ELMO1: variants seen among roughly 807,000 people sequenced by gnomAD.
The protein encoded by ELMO1 is engulfment and cell motility 1, also known as engulfment and cell motility protein 1.
In ELMO1, 26 loss-of-function variants were observed where a neutral mutation model predicts 98.9. The observed-to-expected ratio is 0.26, with a 90% CI of 0.19 to 0.36. The LOEUF (loss-of-function observed/expected upper bound fraction) is 0.36, where lower values mean the gene tolerates loss of function less well. Ranked by LOEUF, ELMO1 falls within the 10% of genes least tolerant of loss-of-function variation. The probability of loss-of-function intolerance (pLI) is 1.00; values close to 1 mark genes in which losing one functional copy is unlikely to be tolerated. For synonymous variants in ELMO1, 346 were observed against 346.0 expected, an observed-to-expected ratio of 1.00 and a Z score of 0.00; for missense variants, 627 against 935.2, an observed-to-expected ratio of 0.67 and a Z score of 4.30.
At chr7:36,908,205 A>C (rs563107058) in intron 16 of ELMO1, among the ~76,000 whole-genome samples, 77 of 152,368 alleles carry the variant, frequency 5.1e-4, no homozygotes, top group African/African-American at 1.8e-3. Context: ...GAACAGTGCC[A>C]AGCACTCAGC....
chr7:37,051,875 A>C (rs557700912), intron 15 of ELMO1, among the ~76,000 whole-genome samples: 1 of 152,266 alleles, frequency 6.6e-6, no homozygotes, highest in Non-Finnish European at 1.5e-5. Flanking sequence ...CCTTCTCTCT[A>C]GGACAATTAG....
At chr7:37,338,674 C>T (rs1049029666) in intron 2 of ELMO1, among the ~76,000 whole-genome samples, 2 of 152,148 alleles carry the variant, frequency 1.3e-5, no homozygotes, top group Non-Finnish European at 2.9e-5. Context: ...ATACATTATT[C>T]AGGACATAAT....
intron 16 of ELMO1, among the ~76,000 whole-genome samples, chr7:36,898,924 T>C (rs1806265505): frequency 6.6e-6 from 1 of 152,128 alleles, no homozygotes; most frequent in Non-Finnish European, 1.5e-5. Context: ...GTTCACTCCA[T>C]GAACACTCAT....
At chr7:37,066,173 T>A (rs569965150) in intron 15 of ELMO1, among the ~76,000 whole-genome samples, 1 of 152,286 alleles carries the variant, frequency 6.6e-6, no homozygotes, top group Admixed American at 6.5e-5. Flanking sequence ...TTACCCAGTC[T>A]CGGGCATGTC....
chr7:36,860,652 G>T (rs1463038067), intron 21 of ELMO1, among the ~76,000 whole-genome samples: 1 of 152,104 alleles, frequency 6.6e-6, no homozygotes, highest in Admixed American at 6.5e-5. Context: ...TCTTGAATAT[G>T]GTGGCCTGTG....
intron 13 of ELMO1, among the ~76,000 whole-genome samples, chr7:37,136,696 A>C (rs1483608604): frequency 6.6e-6 from 1 of 152,008 alleles, no homozygotes; most frequent in Non-Finnish European, 1.5e-5. Flanking sequence ...CCACTACCAA[A>C]CCAGCACTAC....
chr7:37,358,712 T>C (rs549689347), intron 1 of ELMO1, among the ~76,000 whole-genome samples: 1 of 151,962 alleles, frequency 6.6e-6, no homozygotes, highest in East Asian at 1.9e-4. Context: ...AGAGGAAATA[T>C]GGGGAAAAAA....
Position 36,929,075 on chromosome 7 carries a change from G to A in ELMO1, c.1438-34058C>T, listed in dbSNP as rs142591910. 1.5e-3 allele frequency among the ~76,000 whole-genome samples: 236 copies of A among 152,292 alleles called. 3 individuals are homozygous for A. The South Asian group carries it at 0.028, about 18-fold the overall frequency. On this transcript the variant is annotated intron_variant, in intron 16 of 21. Transcript: ENST00000310758. ...TTGAGAGAGGTTAAGAGTTTTACTC[G>A]GGGCACCTGGCTAGCAAGTAGCAGA...
chr7:36,960,543 G>A (rs146816441), intron 16 of ELMO1, among the ~76,000 whole-genome samples: 32 of 152,064 alleles, frequency 2.1e-4, no homozygotes, highest in African/African-American at 7.2e-4. Flanking sequence ...CAGCTCAAGG[G>A]TTACCTCCTT....
At chr7:37,059,114 A>G (rs1796539612) in intron 15 of ELMO1, among the ~76,000 whole-genome samples, 2 of 152,156 alleles carry the variant, frequency 1.3e-5, no homozygotes, top group Non-Finnish European at 2.9e-5. Flanking sequence ...TCAGTGAACT[A>G]CCCTGAGATG....
At chr7:36,952,240 G>A (rs1302375431) in intron 16 of ELMO1, among the ~76,000 whole-genome samples, 1 of 152,182 alleles carries the variant, frequency 6.6e-6, no homozygotes. Context: ...GATTTGAAAG[G>A]AATCAGTCAA....
At chr7:37,436,728 T>C (rs1314054338) in intron 1 of ELMO1, among the ~76,000 whole-genome samples, 1 of 152,108 alleles carries the variant, frequency 6.6e-6, no homozygotes, top group Non-Finnish European at 1.5e-5. Context: ...ACCGGCCACA[T>C]CCAGAGAGAG....
chr7:37,135,530 C>G (rs1787211952), intron 13 of ELMO1, among the ~76,000 whole-genome samples: 1 of 152,178 alleles, frequency 6.6e-6, no homozygotes, highest in Non-Finnish European at 1.5e-5. Context: ...GCTGCAAGAC[C>G]TGAAGACCGA....
At chr7:37,234,639 C>T (rs958210406) in intron 7 of ELMO1, among the ~76,000 whole-genome samples, 33 of 152,088 alleles carry the variant, frequency 2.2e-4, no homozygotes, top group Admixed American at 2.0e-3. Context: ...AAGTTATGCA[C>T]CATCCTATGC....
At chr7:37,196,338 G>C (rs550514959) in intron 13 of ELMO1, among the ~76,000 whole-genome samples, 1 of 152,206 alleles carries the variant, frequency 6.6e-6, no homozygotes, top group Admixed American at 6.5e-5. Context: ...GAGCATTTGC[G>C]AAGGATTTAT....
chr7:37,133,087 G>A (rs1279160127), intron 14 of ELMO1, 43 bp downstream of exon 14: 1 of 1,479,516 alleles, frequency 6.8e-7, no homozygotes. Context: ...AATTAACATT[G>A]AGTAGGAAAC....
In ELMO1 at chr7:37,211,299, C is replaced by T. The variant is rs755164860; in HGVS notation, c.1086+87G>A. The T allele has an allele frequency of 5.0e-6, 8 of 1,587,964 alleles. No individual in the cohort carries two copies. The Admixed American group carries it at 1.4e-4, about 27-fold the overall frequency. The stretch of plus-strand genomic sequence containing the variant: ...TATTCCGTAAAGCGCAAGAGGACCA[C>T]ACGCTCGGAAGAGACATCAGTTATG... On this transcript the variant is annotated intron_variant, in intron 13 of 21. Transcript: ENST00000310758.
chr7:36,972,731 C>A (rs1790078136), intron 16 of ELMO1, among the ~76,000 whole-genome samples: 3 of 152,170 alleles, frequency 2.0e-5, no homozygotes, highest in South Asian at 2.1e-4. Flanking sequence ...AATAAGGGAA[C>A]TTTCGGAGGT....
chr7:37,340,155 T>C (rs1226782858), intron 2 of ELMO1, among the ~76,000 whole-genome samples: 2 of 152,204 alleles, frequency 1.3e-5, no homozygotes, highest in Non-Finnish European at 2.9e-5. Context: ...CTGATGGAAT[T>C]TGAATATGGA....
Sources: allele counts gnomAD v4.1 joint callset (sites outside exome capture counted in the v4.1 genomes callset), GRCh38; gene constraint gnomAD v4.1.1; transcripts MANE v1.5; gene names NCBI Gene and HGNC (gene_info 2026-07-23, HGNC 2026-07-21).